Variants in TTLL6 observed in about 807,000 individuals in gnomAD.
TTLL6 encodes tubulin tyrosine ligase like 6.
In TTLL6, 75 loss-of-function variants were observed where a neutral mutation model predicts 96.4. The observed-to-expected ratio is 0.78, with a 90% CI of 0.65 to 0.94. The LOEUF is 0.94. Ranked by LOEUF, TTLL6 falls within the 40% of genes least tolerant of loss-of-function variation. The pLI, the probability that TTLL6 is intolerant of heterozygous loss-of-function variation, is 0.00. For synonymous variants in TTLL6, 411 were observed against 419.4 expected (o/e 0.98, Z 0.24); for missense variants, 1,030 against 1,093.0 (o/e 0.94, Z 0.81).
At chr17:48,795,242 C>G (rs1379580804) in intron 8 of TTLL6, among the ~76,000 whole-genome samples, 2 of 151,480 alleles carry the variant, frequency 1.3e-5, no homozygotes, top group African/African-American at 2.4e-5. Flanking sequence ...AGGAGAATTG[C>G]TTTAACCCGG....
intron 15 of TTLL6, among the ~76,000 whole-genome samples, chr17:48,765,058 A>T (rs565291562): frequency 6.6e-6 from 1 of 152,272 alleles, no homozygotes; most frequent in East Asian, 1.9e-4. Flanking sequence ...GACAATTAAA[A>T]CTGGGGGACC....
rs753470156 is a variant in TTLL6, at chr17:48,769,170, A to G, written c.2495T>C (p.Leu832Ser). The change falls in exon 15 of 16, where the codon TTG (leucine) becomes TCG (serine). Residue 832 changes from leucine (L) to serine (S), a missense_variant. By Grantham distance (145) the Leu-to-Ser change is moderately radical. Coordinates refer to ENST00000393382, the MANE Select transcript of TTLL6 (RefSeq NM_001130918.3). ...AACATTATAGCTCTGAGGACTCTGC[A>G]AGAGGAGGGAGGACACATCCAGCTG... ...KRQLDVSSLLLQSPQSYNVTL... is the reference protein window; with the variant it reads ...KRQLDVSSLLSQSPQSYNVTL... The G allele has an allele frequency of 3.7e-6, 6 of 1,614,040 alleles. No individual in the cohort carries two copies. The Admixed American group carries it at 5.0e-5, about 13-fold the overall frequency.
At chr17:48,792,407 C>T (rs934609272) in intron 8 of TTLL6, among the ~76,000 whole-genome samples, 11 of 152,108 alleles carry the variant, frequency 7.2e-5, no homozygotes, top group Non-Finnish European at 1.3e-4. Flanking sequence ...CAAATGTGCA[C>T]AGACAGCCAA....
Position 48,801,521 on chromosome 17 carries a change from A to C in TTLL6, c.480+4T>G. 6.4e-7 allele frequency: 1 copy of C among 1,551,938 alleles called. No individual in the cohort carries two copies. The highest frequency in any genetic ancestry group is 8.7e-7 in the Non-Finnish European group (1 of 1,146,990). ...AAACCAAGGACCATCACTAGCCCAA[A>C]TACCTGGTAACTTTTCATTTCCATC... On this transcript the variant is annotated splice_donor_region_variant and intron_variant, in intron 4 of 15. Coordinates refer to ENST00000393382, the MANE Select transcript of TTLL6 (RefSeq NM_001130918.3).
In TTLL6 at chr17:48,788,183, C is replaced by G. The variant is rs559350246; in HGVS notation, c.1401-184G>C. ...AAAGGAGATTCTAGCCCTCCTGGGA[C>G]AGCCAATGTCATAATGCACTAAAAG... On this transcript the variant is annotated intron_variant, in intron 10 of 15. Transcript: ENST00000393382. Among the ~76,000 whole-genome samples, 3 of 152,324 alleles carry G rather than the reference C, an allele frequency of 2.0e-5. No homozygotes were observed. In the East Asian group the frequency reaches 5.8e-4, roughly 29 times the overall value.
intron 13 of TTLL6, among the ~76,000 whole-genome samples, chr17:48,774,381 C>T (rs2038829902): frequency 6.6e-6 from 1 of 151,482 alleles, no homozygotes; most frequent in African/African-American, 2.4e-5. Flanking sequence ...CCAGGCTGTT[C>T]TCGAACTCCT....
chr17:48,768,872 C>A, intron 15 of TTLL6, 117 bp downstream of exon 15: 1 of 1,120,416 alleles, frequency 8.9e-7, no homozygotes, highest in South Asian at 1.5e-5. Flanking sequence ...TCTTCATTGT[C>A]TACTTACCTG....
intron 15 of TTLL6, among the ~76,000 whole-genome samples, chr17:48,768,776 A>G (rs2038669629): frequency 1.3e-5 from 2 of 148,420 alleles, no homozygotes; most frequent in African/African-American, 5.0e-5. Flanking sequence ...TCCTGGGCAC[A>G]AGGGATCCTC....
rs918904067 is a variant in TTLL6 at position 48,769,245 on chromosome 17, G to A, written c.2420C>T (p.Ser807Phe). 7 of 1,599,196 alleles carry A rather than the reference G, an allele frequency of 4.4e-6. No individual in the cohort carries two copies. The highest frequency in any genetic ancestry group is 1.3e-5 in the African/African-American group (1 of 74,492). The change falls in exon 15 of 16, where the codon TCC becomes TTC. Residue 807 changes from serine (S) to phenylalanine (F), a missense_variant. Transcript: ENST00000393382. Reference sequence around the variant, plus strand: ...GCGGGAGTGGCACTCCCCAGGCAGGGAGGGGTTTTCTGGAAAGGCAAAGTC... The same window carrying A: ...GCGGGAGTGGCACTCCCCAGGCAGGAAGGGGTTTTCTGGAAAGGCAAAGTC... ...LGMNNLSQNPSLPGECHSRSD... is the reference protein window; with the variant it reads ...LGMNNLSQNPFLPGECHSRSD...
rs2038678583 is a variant in TTLL6, at chr17:48,769,131, A to G, written c.2534T>C (p.Leu845Pro). 1.9e-6 allele frequency: 3 copies of G among 1,614,100 alleles called. No individual in the cohort carries two copies. Among genetic ancestry groups the G allele is most frequent in the Admixed American group, 1.7e-5 (1 of 60,006 alleles). The change falls in exon 15 of 16, where the codon CTG becomes CCG. Residue 845 changes from leucine to proline, a missense_variant. By Grantham distance (98) the Leu-to-Pro change is moderately conservative (BLOSUM62 -3). Transcript: ENST00000393382. ...PQSYNVTLRDLLVIATPAQLD... is the reference protein window; with the variant it reads ...PQSYNVTLRDPLVIATPAQLD... ...TTGGGCTGGAGTGGCAATCACCAGC[A>G]GGTCCCTCAGAGTAACATTATAGCT...
chr17:48,771,172 G>A (rs1378969004), intron 13 of TTLL6, among the ~76,000 whole-genome samples: 4 of 152,254 alleles, frequency 2.6e-5, no homozygotes, highest in South Asian at 2.1e-4. Context: ...GCAGTTTGGC[G>A]TGACTGATAA....
At chr17:48,787,308 A>G (rs984064420) in intron 11 of TTLL6, among the ~76,000 whole-genome samples, 1 of 152,122 alleles carries the variant, frequency 6.6e-6, no homozygotes, top group Admixed American at 6.5e-5. Flanking sequence ...TTCTAGAAAG[A>G]GCTACTTCTC....
chr17:48,778,929 C>CA (rs71144525), intron 13 of TTLL6, among the ~76,000 whole-genome samples: 1,815 of 112,388 alleles, frequency 0.016, 40 homozygotes, highest in South Asian at 0.096. Context: ...GACTCCATCT[C>CA]AAAAAAAAAA....
chr17:48,769,324 C>T, intron 14 of TTLL6, 70 bp from the exon 15 acceptor site: 1 of 1,517,070 alleles, frequency 6.6e-7, no homozygotes, highest in Non-Finnish European at 8.8e-7. Flanking sequence ...TGGTGAAGAC[C>T]ACCTCCCAGT....
At chr17:48,789,624 G>A (rs965092598) in intron 10 of TTLL6, among the ~76,000 whole-genome samples, 5 of 151,492 alleles carry the variant, frequency 3.3e-5, no homozygotes, top group African/African-American at 1.2e-4. Context: ...GTGTGATCTC[G>A]GCTCACTGCA....
chr17:48,811,421 T>C (rs1434520675), intron 1 of TTLL6, among the ~76,000 whole-genome samples: 1 of 151,958 alleles, frequency 6.6e-6, no homozygotes, highest in Non-Finnish European at 1.5e-5. Context: ...TTTAGAGACA[T>C]GGTCTTGCTA....
intron 13 of TTLL6, among the ~76,000 whole-genome samples, chr17:48,781,362 G>T (rs498097): frequency 0.97 from 148,017 of 152,300 alleles, 72,079 homozygotes; most frequent in Middle Eastern, 1. Context: ...TTCAATTTTT[G>T]GAGGAAGCTC....
At chr17:48,813,754 AT>A (rs1276353261) in intron 1 of TTLL6, among the ~76,000 whole-genome samples, 17 of 152,076 alleles carry the variant, frequency 1.1e-4, no homozygotes, top group Non-Finnish European at 2.9e-5. Flanking sequence ...CAATGTCCAC[AT>A]TGTACCAGGG....
At position 48,801,244 on chromosome 17, in the gene TTLL6, G is replaced by C. The variant is rs1199054559; in HGVS notation, c.611+11C>G. ...GAGTGGAGAAGGAAGTACAGGGCGG[G>C]GGGCACTCACTCAGCAGGAAGACAC... On this transcript the variant is annotated intron_variant, in intron 5 of 15. Transcript: ENST00000393382. 6.4e-7 allele frequency: 1 copy of C among 1,550,946 alleles called. No individual in the cohort carries two copies. The highest frequency in any genetic ancestry group is 2.0e-5 in the Admixed American group (1 of 50,974).
Sources: allele counts gnomAD v4.1 joint callset (sites outside exome capture counted in the v4.1 genomes callset), GRCh38; gene constraint gnomAD v4.1.1; transcripts MANE v1.5; gene names NCBI Gene and HGNC (gene_info 2026-07-23, HGNC 2026-07-21).